The following SLC6A11 variants were observed in gnomAD, a reference collection of about 807,000 sequenced individuals.
SLC6A11 encodes the protein solute carrier family 6 member 11, also known as sodium- and chloride-dependent GABA transporter 3.
In SLC6A11, 25 loss-of-function variants were observed where a neutral mutation model predicts 74.8. That is an observed-to-expected ratio of 0.33 (90% CI 0.24 to 0.47). SLC6A11 has a LOEUF of 0.47. Among genes scored for constraint, SLC6A11 ranks in the 20% least tolerant of loss-of-function variants. The pLI is 1.00. For synonymous variants in SLC6A11, 330 were observed against 330.2 expected, an observed-to-expected ratio of 1.00 and a Z score of 0.01; for missense variants, 574 against 837.0, an observed-to-expected ratio of 0.69 and a Z score of 3.88.
At chr3:10,875,120 A>G in intron 6 of SLC6A11, 25 bp downstream of exon 6, 1 of 1,573,448 alleles carries the variant, frequency 6.4e-7, no homozygotes, top group Non-Finnish European at 8.7e-7. Flanking sequence ...CTCAATGTGC[A>G]GCATCACCCA....
chr3:10,864,442 A>G (rs1183161050), intron 5 of SLC6A11, among the ~76,000 whole-genome samples: 1 of 151,736 alleles, frequency 6.6e-6, no homozygotes, highest in Non-Finnish European at 1.5e-5. Context: ...CTCAATGGAG[A>G]GCCCCCAAGC....
chr3:10,854,437 A>G (rs1403805140), intron 5 of SLC6A11, among the ~76,000 whole-genome samples: 2 of 152,132 alleles, frequency 1.3e-5, no homozygotes, highest in Admixed American at 6.5e-5. Flanking sequence ...GTCTCCTCCA[A>G]TCCCACCACC....
chr3:10,834,031 C>G (rs1313815345), intron 4 of SLC6A11, among the ~76,000 whole-genome samples: 1 of 152,226 alleles, frequency 6.6e-6, no homozygotes, highest in Non-Finnish European at 1.5e-5. Flanking sequence ...GCACAGGGCC[C>G]TCTAAGCACA....
intron 6 of SLC6A11, among the ~76,000 whole-genome samples, chr3:10,897,826 C>T (rs1559575823): frequency 6.6e-6 from 1 of 152,166 alleles, no homozygotes; most frequent in Non-Finnish European, 1.5e-5. Flanking sequence ...GGGTTCTGAC[C>T]CCACATTTCC....
chr3:10,879,421 C>T (rs191618200), intron 6 of SLC6A11, among the ~76,000 whole-genome samples: 5 of 152,210 alleles, frequency 3.3e-5, no homozygotes, highest in Admixed American at 2.0e-4. Flanking sequence ...CCAACTGTCC[C>T]CATTTGTGAA....
rs191632181 is a variant in SLC6A11, at chr3:10,898,831, A to G, written c.892-13259A>G. 1.1e-3 allele frequency among the ~76,000 whole-genome samples: 166 copies of G among 152,306 alleles called. 1 individual carries two copies. Among genetic ancestry groups the G allele is most frequent in the Admixed American group, 3.1e-3 (48 of 15,296 alleles). ...CCCACTACCAATACCAATTTACTGT[A>G]TTAGTCCATTTTCACGTTGCTGATA... is the stretch of plus-strand genomic sequence containing the variant. On this transcript the variant is annotated intron_variant, in intron 6 of 13. Transcript: ENST00000254488.
chr3:10,828,306 G>A (rs9843447), intron 4 of SLC6A11, among the ~76,000 whole-genome samples: 30,881 of 152,132 alleles, frequency 0.2, 3,873 homozygotes, highest in African/African-American at 0.35. Flanking sequence ...ATTGTGTGCC[G>A]GGCCCAAATT....
At chr3:10,890,144 G>A (rs1695090947) in intron 6 of SLC6A11, among the ~76,000 whole-genome samples, 1 of 152,184 alleles carries the variant, frequency 6.6e-6, no homozygotes, top group South Asian at 2.1e-4. Flanking sequence ...CATAGAACAT[G>A]TCTATCATCA....
intron 6 of SLC6A11, among the ~76,000 whole-genome samples, chr3:10,880,949 C>T (rs1387456666): frequency 6.6e-6 from 1 of 152,148 alleles, no homozygotes; most frequent in African/African-American, 2.4e-5. Context: ...TGGAGTCTCA[C>T]CTCTTCTGGG....
intron 6 of SLC6A11, among the ~76,000 whole-genome samples, chr3:10,899,982 C>T (rs1204802049): frequency 6.6e-6 from 1 of 152,220 alleles, no homozygotes. Flanking sequence ...CTATGTCTGA[C>T]AGGTGGTGGA....
At chr3:10,851,539 T>G (rs1694575905) in intron 5 of SLC6A11, among the ~76,000 whole-genome samples, 1 of 152,216 alleles carries the variant, frequency 6.6e-6, no homozygotes, top group Non-Finnish European at 1.5e-5. Flanking sequence ...CACAGGACTC[T>G]TAAGCAGATC....
rs1214757143 is a variant in SLC6A11 at position 10,823,384 on chromosome 3, G to A, written c.615G>A (p.Glu205=). 1 of 1,610,420 alleles carries A rather than the reference G, an allele frequency of 6.2e-7. No homozygotes were observed. The highest frequency in any genetic ancestry group is 8.5e-7 in the Non-Finnish European group (1 of 1,176,682). ...AGAATGCCACCTCCCCTGTCATGGA[G>A]TTTTGGGAGTAAGTGGAGAAGAACT... ...SLQNATSPVM[E]FWEHRVLAIS... is the part of the protein sequence containing the mutation. The change falls in exon 4 of 14, where the codon GAG becomes GAA. Residue 205 remains glutamate, a synonymous_variant. Transcript: ENST00000254488.
At chr3:10,838,756 G>GTA (rs1286551213) in intron 4 of SLC6A11, among the ~76,000 whole-genome samples, 5 of 152,220 alleles carry the variant, frequency 3.3e-5, no homozygotes, top group South Asian at 2.1e-4. Flanking sequence ...CTCAAAATAT[G>GTA]TATATATATC....
intron 6 of SLC6A11, among the ~76,000 whole-genome samples, chr3:10,877,294 G>A (rs1461886985): frequency 1.3e-5 from 2 of 152,220 alleles, no homozygotes; most frequent in Non-Finnish European, 2.9e-5. Context: ...ACAGGACACA[G>A]AAGCAGTTAT....
intron 6 of SLC6A11, among the ~76,000 whole-genome samples, chr3:10,882,533 A>G (rs768731645): frequency 6.6e-6 from 1 of 152,152 alleles, no homozygotes; most frequent in Non-Finnish European, 1.5e-5. Context: ...TGCCCTGTTC[A>G]ATCTCCAGAC....
intron 8 of SLC6A11, among the ~76,000 whole-genome samples, chr3:10,923,329 T>C (rs1380337561): frequency 1.3e-5 from 2 of 151,198 alleles, no homozygotes; most frequent in African/African-American, 4.9e-5. Context: ...AGCTAGAACA[T>C]TTTTGTGATG....
rs572209565 is a variant in SLC6A11 at position 10,904,919 on chromosome 3, C to T, written c.892-7171C>T. Among the ~76,000 whole-genome samples, 7 of 152,264 alleles carry T rather than the reference C, an allele frequency of 4.6e-5. 1 individual carries two copies. In the South Asian group the frequency reaches 1.5e-3, roughly 32 times the overall value. ...AATACTTACCTAGTAAGATCATTAG[C>T]AAATTATGAGATTGTGTACATGAGA... On this transcript the variant is annotated intron_variant, in intron 6 of 13. Transcript: ENST00000254488.
intron 5 of SLC6A11, among the ~76,000 whole-genome samples, chr3:10,844,682 T>C (rs554160848): frequency 3.3e-5 from 5 of 152,298 alleles, no homozygotes; most frequent in African/African-American, 1.2e-4. Context: ...GGTTCTTTGG[T>C]AATGAAGACA....
intron 4 of SLC6A11, among the ~76,000 whole-genome samples, chr3:10,832,877 A>G (rs1310762508): frequency 6.6e-6 from 1 of 152,218 alleles, no homozygotes; most frequent in Non-Finnish European, 1.5e-5. Flanking sequence ...AGGTTTAAGT[A>G]AAAGAAGAAA....
Sources: gnomAD v4.1 joint callset for allele counts (sites outside exome capture counted in the v4.1 genomes callset) on GRCh38, gnomAD v4.1.1 for gene constraint, MANE v1.5 for transcripts, NCBI Gene and HGNC (gene_info 2026-07-23, HGNC 2026-07-21) for gene names.